Variants in NLGN1 observed in about 807,000 individuals in gnomAD.
NLGN1 encodes the protein neuroligin-1.
In NLGN1, 12 loss-of-function variants were observed where a neutral mutation model predicts 65.5. The observed-to-expected ratio is 0.18, with a 90% confidence interval of 0.12 to 0.30. The LOEUF (loss-of-function observed/expected upper bound fraction) is 0.30, where lower values mean the gene tolerates loss of function less well. NLGN1 is among the 10% of genes least tolerant of loss of function. The probability of loss-of-function intolerance (pLI) is 1.00; values close to 1 mark genes in which losing one functional copy is unlikely to be tolerated. For synonymous variants in NLGN1, 350 were observed against 359.5 expected (o/e 0.97, Z 0.30); for missense variants, 750 against 1,007.1 (o/e 0.74, Z 3.46).
intron 4 of NLGN1, among the ~76,000 whole-genome samples, chr3:173,934,023 A>G (rs1744609693): frequency 6.6e-6 from 1 of 151,802 alleles, no homozygotes; most frequent in Non-Finnish European, 1.5e-5. Flanking sequence ...ACACAGTGCT[A>G]TTAGTATTAG....
At chr3:173,920,671 G>A (rs1030327972) in intron 4 of NLGN1, 13 of 152,078 alleles carry the variant, frequency 8.5e-5, no homozygotes, top group Non-Finnish European at 1.6e-4. Flanking sequence ...CACAACCCCT[G>A]GTTCAACCTC....
At chr3:173,961,855 C>T (rs964964206) in intron 4 of NLGN1, among the ~76,000 whole-genome samples, 4 of 151,994 alleles carry the variant, frequency 2.6e-5, no homozygotes, top group African/African-American at 9.7e-5. Flanking sequence ...CTACCTTAAA[C>T]TTTAACAGGG....
At chr3:173,849,041 A>G (rs1221688037) in intron 4 of NLGN1, among the ~76,000 whole-genome samples, 2 of 152,166 alleles carry the variant, frequency 1.3e-5, no homozygotes, top group Non-Finnish European at 2.9e-5. Context: ...TATGTAGGAT[A>G]TAGCCAATGG....
chr3:173,957,446 A>G (rs1353262609), intron 4 of NLGN1, among the ~76,000 whole-genome samples: 1 of 152,184 alleles, frequency 6.6e-6, no homozygotes, highest in Non-Finnish European at 1.5e-5. Context: ...ACAACTAAAT[A>G]CTGACATGTA....
At chr3:173,605,308 A>C (rs2149449486) in intron 3 of NLGN1, among the ~76,000 whole-genome samples, 1 of 152,134 alleles carries the variant, frequency 6.6e-6, no homozygotes, top group East Asian at 1.9e-4. Context: ...TTTCCTCCAC[A>C]GCACGTATAT....
rs117485314 is a variant in NLGN1, at chr3:174,050,684, C to G, written c.647-224631C>G. On this transcript the variant is annotated intron_variant, in intron 4 of 6. Transcript: ENST00000457714. Reference sequence around the variant, plus strand: ...GGTCTTTTAGGTCCCTTCCCTCCACCTTTATTGAAACCTTACCACACTAGC... The same window carrying G: ...GGTCTTTTAGGTCCCTTCCCTCCACGTTTATTGAAACCTTACCACACTAGC... Among the ~76,000 whole-genome samples the G allele has an allele frequency of 8.2e-4, 125 of 152,076 alleles. 1 individual carries two copies. In the East Asian group the frequency reaches 0.023, roughly 28 times the overall value.
intron 4 of NLGN1, among the ~76,000 whole-genome samples, chr3:174,273,596 A>C: frequency 6.6e-6 from 1 of 151,830 alleles, no homozygotes; most frequent in Middle Eastern, 3.4e-3. Flanking sequence ...GATACCATAA[A>C]AATTTCCTTA....
intron 4 of NLGN1, among the ~76,000 whole-genome samples, chr3:174,031,638 A>G (rs1292968088): frequency 6.6e-6 from 1 of 152,190 alleles, no homozygotes; most frequent in Admixed American, 6.5e-5. Flanking sequence ...AAATTTTGTA[A>G]ATCAATCAAT....
intron 3 of NLGN1, among the ~76,000 whole-genome samples, chr3:173,622,652 T>C (rs1461611635): frequency 1.3e-5 from 2 of 151,954 alleles, no homozygotes; most frequent in African/African-American, 4.8e-5. Flanking sequence ...ACTTGTAAGA[T>C]GATTATGCTG....
intron 4 of NLGN1, among the ~76,000 whole-genome samples, chr3:174,026,230 G>A (rs1319978826): frequency 6.6e-6 from 1 of 152,040 alleles, no homozygotes; most frequent in East Asian, 1.9e-4. Context: ...GGGCTCAAGC[G>A]ATCCTTCTCC....
At chr3:174,223,195 C>T (rs185883207) in intron 4 of NLGN1, among the ~76,000 whole-genome samples, 2 of 152,264 alleles carry the variant, frequency 1.3e-5, no homozygotes, top group Admixed American at 6.5e-5. Context: ...CCTCCCACTT[C>T]ACCTCACGCC....
intron 4 of NLGN1, among the ~76,000 whole-genome samples, chr3:173,871,965 T>C (rs1022810926): frequency 1.3e-5 from 2 of 152,320 alleles, no homozygotes; most frequent in East Asian, 3.9e-4. Context: ...AAGAGTTAGC[T>C]GGAATTCACA....
chr3:173,642,842 A>G (rs565306008), intron 3 of NLGN1, among the ~76,000 whole-genome samples: 1 of 152,358 alleles, frequency 6.6e-6, no homozygotes, highest in East Asian at 1.9e-4. Context: ...AAAAGTACTT[A>G]TGTATGACCC....
intron 4 of NLGN1, among the ~76,000 whole-genome samples, chr3:174,245,414 A>G (rs1743613863): frequency 6.6e-6 from 1 of 152,168 alleles, no homozygotes; most frequent in South Asian, 2.1e-4. Flanking sequence ...CCCATCCTAA[A>G]AACTATTGGA....
At chr3:174,004,138 G>T (rs1003723758) in intron 4 of NLGN1, among the ~76,000 whole-genome samples, 2 of 152,094 alleles carry the variant, frequency 1.3e-5, no homozygotes, top group Non-Finnish European at 2.9e-5. Context: ...CACTTCCAGT[G>T]ATCTGGAATC....
intron 4 of NLGN1, among the ~76,000 whole-genome samples, chr3:174,145,819 A>C (rs1015904725): frequency 6.6e-6 from 1 of 152,218 alleles, no homozygotes; most frequent in South Asian, 2.1e-4. Context: ...TTAAATCTAA[A>C]CTTCACTTTT....
At chr3:173,636,267 T>G (rs1157176159) in intron 3 of NLGN1, among the ~76,000 whole-genome samples, 1 of 151,996 alleles carries the variant, frequency 6.6e-6, no homozygotes, top group Non-Finnish European at 1.5e-5. Flanking sequence ...TGGTTTTTTT[T>G]GGGTATGTCC....
intron 4 of NLGN1, among the ~76,000 whole-genome samples, chr3:174,116,890 A>G (rs1716596122): frequency 6.6e-6 from 1 of 152,168 alleles, no homozygotes; most frequent in African/African-American, 2.4e-5. Context: ...TAATAAAATG[A>G]TATATGAAAA....
chr3:174,271,570 T>C (rs1749410125), intron 4 of NLGN1, among the ~76,000 whole-genome samples: 2 of 151,798 alleles, frequency 1.3e-5, no homozygotes, highest in African/African-American at 4.8e-5. Context: ...TGGTTATTTT[T>C]CCATTCCAAG....
Sources: allele counts gnomAD v4.1 joint callset (sites outside exome capture counted in the v4.1 genomes callset), GRCh38; gene constraint gnomAD v4.1.1; transcripts MANE v1.5; gene names NCBI Gene and HGNC (gene_info 2026-07-23, HGNC 2026-07-21).